Variants in CEP78 observed in about 807,000 individuals in gnomAD.
CEP78 encodes centrosomal protein of 78 kDa.
CEP78 carries 76 observed loss-of-function variants against 81.2 expected under a neutral mutation model. That is an observed-to-expected ratio of 0.94 (90% confidence interval 0.78 to 1.13). The LOEUF is 1.13. Among genes scored for constraint, CEP78 ranks in the 50% most tolerant of loss-of-function variants. The probability of loss-of-function intolerance (pLI) is 0.00; values close to 1 mark genes in which losing one functional copy is unlikely to be tolerated. For synonymous variants in CEP78, 293 were observed against 301.4 expected (o/e 0.97, Z 0.29); for missense variants, 918 against 846.8 (o/e 1.08, Z -1.04).
intron 12 of CEP78, among the ~76,000 whole-genome samples, chr9:78,263,273 T>C (rs1827360735): frequency 6.6e-6 from 1 of 152,118 alleles, no homozygotes; most frequent in Non-Finnish European, 1.5e-5. Flanking sequence ...AAGAATGCAT[T>C]TATTAGGCTT....
chr9:78,266,559 G>A lies in CEP78; in HGVS notation c.1963G>A (p.Glu655Lys). 3 of 1,613,904 alleles carry A rather than the reference G, an allele frequency of 1.9e-6. No individual in the cohort carries two copies. Among genetic ancestry groups the A allele is most frequent in the Non-Finnish European group, 2.5e-6 (3 of 1,179,860 alleles). ...SSNNLGVPAT[E>K]QRQESFEGFI... ...CAACAACCTAGGAGTCCCAGCTACT[G>A]AGCAGCGGCAGGAGTCTTTTGAAGG... The change falls in exon 16 of 17, where the codon GAG becomes AAG. Residue 655 changes from glutamate to lysine, a missense_variant. Coordinates refer to ENST00000643273, the MANE Select transcript of CEP78 (RefSeq NM_001330691.3).
Position 78,241,728 on chromosome 9 carries a change from C to T in CEP78, c.532C>T (p.Leu178Phe). The T allele has an allele frequency of 6.2e-7, 1 of 1,607,230 alleles. No homozygotes were observed. The highest frequency in any genetic ancestry group is 1.3e-5 in the African/African-American group (1 of 74,860). ...ICQGIKSSITLKTVNFTGCNL... is the reference protein window; with the variant it reads ...ICQGIKSSITFKTVNFTGCNL... ...TCAAGGTATAAAGAGCTCTATCACT[C>T]TTAAGACAGTCAACTTCACAGGATG... Residue 178 changes from leucine to phenylalanine, a missense_variant, in exon 4 of 17, where the codon CTT becomes TTT. Physicochemically the swap from Leu to Phe is conservative, Grantham distance 22. Coordinates refer to ENST00000643273, the MANE Select transcript of CEP78 (RefSeq NM_001330691.3).
chr9:78,243,952 A>G (rs571467322), intron 5 of CEP78, among the ~76,000 whole-genome samples: 30 of 152,034 alleles, frequency 2.0e-4, no homozygotes, highest in African/African-American at 7.2e-4. Context: ...ACTATAGTGC[A>G]CTTACCATTT....
rs1224241744 is a variant in CEP78 at position 78,246,686 on chromosome 9, T to C, written c.796T>C (p.Cys266Arg). 1.2e-6 allele frequency: 2 copies of C among 1,608,932 alleles called. No individual in the cohort carries two copies. Among genetic ancestry groups the C allele is most frequent in the South Asian group, 2.2e-5 (2 of 90,390 alleles). Residue 266 changes from cysteine (C) to arginine (R), a missense_variant, in exon 6 of 17, where the codon TGC becomes CGC. Physicochemically the swap from Cys to Arg is radical, Grantham distance 180 (BLOSUM62 -3). Coordinates refer to ENST00000643273, the MANE Select transcript of CEP78 (RefSeq NM_001330691.3). ...LWLRALDLQQ[C>R]GLTNEGAKAL... The stretch of plus-strand genomic sequence containing the variant: ...ATCGAAAGCTCTTGACCTGCAACAG[T>C]GCGGCCTCACCAATGAAGGAGCAAA...
chr9:78,255,421 A>T (rs1010219269), intron 11 of CEP78, among the ~76,000 whole-genome samples: 1 of 152,042 alleles, frequency 6.6e-6, no homozygotes, highest in Non-Finnish European at 1.5e-5. Context: ...TTTTTTATAT[A>T]CTTACATGTA....
intron 16 of CEP78, among the ~76,000 whole-genome samples, chr9:78,269,705 T>G (rs1200307968): frequency 1.3e-5 from 2 of 152,182 alleles, no homozygotes; most frequent in Non-Finnish European, 2.9e-5. Flanking sequence ...TGCAGTAAAT[T>G]GAGGGGCAGG....
At chr9:78,248,603 C>G (rs1826609309) in intron 7 of CEP78, among the ~76,000 whole-genome samples, 159 bp from the exon 8 acceptor site, 1 of 152,168 alleles carries the variant, frequency 6.6e-6, no homozygotes. Context: ...AATGTCTTTT[C>G]TGTTTTTGTA....
chr9:78,239,934 C>T lies in CEP78; in HGVS notation c.254-89C>T. 7.0e-6 allele frequency: 8 copies of T among 1,136,798 alleles called. No individual in the cohort carries two copies. The South Asian group carries it at 1.1e-4, about 16-fold the overall frequency. The allele number at this position is 1,136,798 out of a possible 1,614,324, so 70.4% of individuals were successfully genotyped here. ...CTTAAGAGGACTTTAAAGGACATGG[C>T]TCATTTCTATGTCTTAGCACAGAGC... On this transcript the variant is annotated intron_variant, in intron 1 of 16. Coordinates refer to ENST00000643273, the MANE Select transcript of CEP78 (RefSeq NM_001330691.3).
intron 6 of CEP78, among the ~76,000 whole-genome samples, chr9:78,247,617 A>G (rs1826555867): frequency 6.6e-6 from 1 of 152,130 alleles, no homozygotes; most frequent in Non-Finnish European, 1.5e-5. Flanking sequence ...TGAGCTGGTA[A>G]GGGTTATATT....
At chr9:78,237,832 C>T (rs987015173) in intron 1 of CEP78, among the ~76,000 whole-genome samples, 4 of 151,578 alleles carry the variant, frequency 2.6e-5, no homozygotes, top group Admixed American at 6.6e-5. Context: ...GGCCGGGCAC[C>T]GTGGCTTATG....
chr9:78,237,613 CTTGTGGG>C (rs773028078), intron 1 of CEP78, among the ~76,000 whole-genome samples: 2 of 152,034 alleles, frequency 1.3e-5, no homozygotes, highest in Non-Finnish European at 2.9e-5. Flanking sequence ...GGCTGGAAAC[CTTGTGGG>C]GGCCAAACAG....
At position 78,278,569 on chromosome 9, in the gene CEP78, CTCACGAAGTATGTT is replaced by C. The variant is rs1489223571; in HGVS notation, c.*7723_*7736del. 1 of 152,198 alleles carries C rather than the reference CTCACGAAGTATGTT, an allele frequency of 6.6e-6. No individual in the cohort carries two copies. Among genetic ancestry groups the C allele is most frequent in the Non-Finnish European group, 1.5e-5 (1 of 68,046 alleles). 9.4% of individuals were successfully genotyped at this position (152,198 alleles called of 1,614,324 possible). ...CCTTTAAAGAAAATTATGTTGGCAA[CTCACGAAGTATGTT>C]TCACAATCCACTAATGGGTAATGTC... On this transcript the variant is annotated 3_prime_UTR_variant, in exon 17 of 17. Transcript: ENST00000643273.
At chr9:78,249,468 G>C (rs762155048) in intron 8 of CEP78, 2 of 151,998 alleles carry the variant, frequency 1.3e-5, no homozygotes, top group African/African-American at 4.8e-5. Context: ...TTCCCTAAAT[G>C]TTTGCTATTT....
At chr9:78,258,066 A>G (rs1408828105) in intron 11 of CEP78, among the ~76,000 whole-genome samples, 1 of 152,248 alleles carries the variant, frequency 6.6e-6, no homozygotes, top group East Asian at 1.9e-4. Flanking sequence ...TTTGCATGTG[A>G]TAGCAAAAAT....
intron 8 of CEP78, among the ~76,000 whole-genome samples, chr9:78,250,712 C>G (rs1189186840): frequency 2.0e-5 from 3 of 152,206 alleles, no homozygotes; most frequent in African/African-American, 7.2e-5. Flanking sequence ...GCACTCCAGC[C>G]TGGGCGACAG....
At chr9:78,246,220 A>G (rs1428965369) in intron 5 of CEP78, among the ~76,000 whole-genome samples, 1 of 151,908 alleles carries the variant, frequency 6.6e-6, no homozygotes, top group Non-Finnish European at 1.5e-5. Context: ...TATTTTTTCA[A>G]TACCCAAGAT....
rs1587540808 is a variant in CEP78, at chr9:78,236,165, G to A, written c.-186G>A. 3.4e-6 allele frequency: 2 copies of A among 583,018 alleles called. No individual in the cohort carries two copies. The highest frequency in any genetic ancestry group is 3.5e-5 in the Admixed American group (1 of 28,672). The allele number at this position is 583,018 out of a possible 1,614,324, so 36.1% of individuals were successfully genotyped here. A position where few individuals can be genotyped will look rare whatever the true frequency, so the allele number is the denominator to read the frequency against. On this transcript the variant is annotated 5_prime_UTR_variant, in exon 1 of 17. Coordinates refer to ENST00000643273, the MANE Select transcript of CEP78 (RefSeq NM_001330691.3). ...AGGCAGCGCGGGAGTGGGGCGTTGA[G>A]GGGCCGGCCTAGCTTGGGGCTCTGG...
rs1477057074 is a variant in CEP78, at chr9:78,251,891, T to C, written c.1070-17T>C. ...TTAGTGCATCTTGATTCTTTCTTTT[T>C]AACACTTCTCAAGTAGGATTGGCTA... On this transcript the variant is annotated splice_polypyrimidine_tract_variant and intron_variant, in intron 8 of 16. Transcript: ENST00000643273. 2 of 1,598,046 alleles carry C rather than the reference T, an allele frequency of 1.3e-6. No homozygotes were observed. The highest frequency in any genetic ancestry group is 3.4e-5 in the Admixed American group (2 of 59,252).
intron 6 of CEP78, among the ~76,000 whole-genome samples, chr9:78,247,094 A>C (rs1826525851): frequency 6.6e-6 from 1 of 152,228 alleles, no homozygotes; most frequent in Non-Finnish European, 1.5e-5. Context: ...TTGACAAGTA[A>C]TTTTTGAATA....
Sources: allele counts gnomAD v4.1 joint callset (sites outside exome capture counted in the v4.1 genomes callset), GRCh38; gene constraint gnomAD v4.1.1; transcripts MANE v1.5; gene names NCBI Gene and HGNC (gene_info 2026-07-23, HGNC 2026-07-21).